The following GPATCH2L variants were observed in gnomAD, a reference collection of about 807,000 sequenced individuals.
GPATCH2L encodes G-patch domain containing 2 like.
Under a neutral mutation model 57.4 loss-of-function variants are expected in GPATCH2L, and 31 were observed. That is an observed-to-expected ratio of 0.54 (90% CI 0.41 to 0.73). The LOEUF (loss-of-function observed/expected upper bound fraction) is 0.73, where lower values mean the gene tolerates loss of function less well. Ranked by LOEUF, GPATCH2L falls within the 30% of genes least tolerant of loss-of-function variation. The pLI is 0.00. For missense variants in GPATCH2L, 481 were observed against 599.9 expected (o/e 0.80, Z 2.07); for synonymous variants, 199 against 210.7 (o/e 0.94, Z 0.48).
At chr14:76,219,594 A>G (rs1367468272) in intron 1 of GPATCH2L, among the ~76,000 whole-genome samples, 2 of 152,202 alleles carry the variant, frequency 1.3e-5, no homozygotes, top group African/African-American at 4.8e-5. Context: ...TGTCAACATA[A>G]AAATGTATAG....
chr14:76,185,540 T>C (rs1440752059), intron 8 of GPATCH2L, among the ~76,000 whole-genome samples: 3 of 152,204 alleles, frequency 2.0e-5, no homozygotes, highest in Non-Finnish European at 4.4e-5. Flanking sequence ...TTGCAGTTTT[T>C]GAGTGCAAAA....
At chr14:76,160,334 G>T (rs907035701) in intron 2 of GPATCH2L, among the ~76,000 whole-genome samples, 1 of 152,146 alleles carries the variant, frequency 6.6e-6, no homozygotes, top group Admixed American at 6.6e-5. Flanking sequence ...CACTTCTAAC[G>T]TGGGCCTCCA....
intron 9 of GPATCH2L, among the ~76,000 whole-genome samples, chr14:76,198,925 T>C (rs2040235500): frequency 6.6e-6 from 1 of 152,210 alleles, no homozygotes; most frequent in Admixed American, 6.5e-5. Context: ...ATTCCTAATA[T>C]ATTGTAACCA....
At chr14:76,168,565 G>A (rs1432260572) in intron 3 of GPATCH2L, among the ~76,000 whole-genome samples, 1 of 152,194 alleles carries the variant, frequency 6.6e-6, no homozygotes, top group Non-Finnish European at 1.5e-5. Context: ...GACCTAGGGT[G>A]GAGGAGCAAT....
intron 6 of GPATCH2L, chr14:76,177,780 CCTT>C: frequency 1.5e-6 from 1 of 645,780 alleles, no homozygotes. Context: ...TTCTCTATTC[CCTT>C]CTTTGTCTTT....
intron 5 of GPATCH2L, 193 bp downstream of exon 5, chr14:76,173,818 A>C: frequency 2.0e-6 from 1 of 510,304 alleles, no homozygotes. Flanking sequence ...ATGAAACGTA[A>C]TTCATATAGA....
rs1022421561 is a variant in GPATCH2L, at chr14:76,204,437, A to G, written c.*2586A>G. The G allele has an allele frequency of 6.6e-6, 1 of 152,200 alleles. No homozygotes were observed. Among genetic ancestry groups the G allele is most frequent in the Non-Finnish European group, 1.5e-5 (1 of 68,036 alleles). 9.4% of individuals were successfully genotyped at this position (152,200 alleles called of 1,614,324 possible). On this transcript the variant is annotated 3_prime_UTR_variant, in exon 10 of 10. Transcript: ENST00000261530. ...TGTGCTCCTCATTTTAAGGTGCTGTACGTGCATGTTTAAGGAATTATTAAT... is the reference window on the plus strand; with the variant it reads ...TGTGCTCCTCATTTTAAGGTGCTGTGCGTGCATGTTTAAGGAATTATTAAT...
At chr14:76,199,172 CT>C (rs2040242607) in intron 9 of GPATCH2L, among the ~76,000 whole-genome samples, 1 of 152,076 alleles carries the variant, frequency 6.6e-6, no homozygotes, top group Admixed American at 6.5e-5. Flanking sequence ...TTAAAATTTT[CT>C]TTTATAAAAG....
At chr14:76,199,677 T>C (rs2040258717) in intron 9 of GPATCH2L, among the ~76,000 whole-genome samples, 2 of 152,032 alleles carry the variant, frequency 1.3e-5, no homozygotes, top group African/African-American at 4.8e-5. Context: ...TTGGTGCAGA[T>C]GTGGAGAAAT....
intron 8 of GPATCH2L, among the ~76,000 whole-genome samples, chr14:76,188,214 T>C (rs563977448): frequency 1.3e-5 from 2 of 152,286 alleles, no homozygotes; most frequent in African/African-American, 4.8e-5. Flanking sequence ...ACTGATTTCC[T>C]TTCTTTTGGG....
At chr14:76,188,127 A>G (rs868191250) in intron 8 of GPATCH2L, among the ~76,000 whole-genome samples, 2 of 152,106 alleles carry the variant, frequency 1.3e-5, no homozygotes, top group Non-Finnish European at 2.9e-5. Flanking sequence ...GTTGATGAAC[A>G]CTTAGGTTGC....
At position 76,203,024 on chromosome 14, in the gene GPATCH2L, A is replaced by G. The variant is rs541041521; in HGVS notation, c.*1173A>G. 6.6e-6 allele frequency: 1 copy of G among 152,254 alleles called. No homozygotes were observed. Among genetic ancestry groups the G allele is most frequent in the South Asian group, 2.1e-4 (1 of 4,812 alleles). The allele number at this position is 152,254 out of a possible 1,614,324, so 9.4% of individuals were successfully genotyped here. A position where few individuals can be genotyped will look rare whatever the true frequency, so the allele number is the denominator to read the frequency against. ...GTGCGTTTACTCTGAAATACATAGA[A>G]GCTCTTGGTGAAGTGCTCCCTGCTC... On this transcript the variant is annotated 3_prime_UTR_variant, in exon 10 of 10. Transcript: ENST00000261530.
chr14:76,171,875 G>C lies in GPATCH2L; in HGVS notation c.760G>C (p.Gly254Arg), dbSNP rs1226716443. The C allele has an allele frequency of 6.2e-7, 1 of 1,604,166 alleles. No homozygotes were observed. The highest frequency in any genetic ancestry group is 8.5e-7 in the Non-Finnish European group (1 of 1,174,728). ...DDEQSDWFYE[G>R]ECVPGFTVPN... ...CGAACAGAGTGATTGGTTCTATGAAGGAGAATGTGTCCCAGGATTCACTGT... is the reference window on the plus strand; with the variant it reads ...CGAACAGAGTGATTGGTTCTATGAACGAGAATGTGTCCCAGGATTCACTGT... The change falls in exon 4 of 10, where the codon GGA (glycine) becomes CGA (arginine). Residue 254 changes from glycine (G) to arginine (R), a missense_variant. This residue lies in a region of GPATCH2L where 25 missense variants were observed against 56.9 expected (regional missense o/e 0.44). Transcript: ENST00000261530.
rs759799888 is a variant in GPATCH2L at position 76,206,389 on chromosome 14, A to T, written c.*4538A>T. ...AAGATGAGAAGTATTGTTGAAGAGT[A>T]TGGACCTACAGGGTTTTTAACAAGT... On this transcript the variant is annotated 3_prime_UTR_variant, in exon 10 of 10. Transcript: ENST00000261530. 3 of 152,262 alleles carry T rather than the reference A, an allele frequency of 2.0e-5. No homozygotes were observed. Among genetic ancestry groups the T allele is most frequent in the Non-Finnish European group, 4.4e-5 (3 of 68,058 alleles). 9.4% of individuals were successfully genotyped at this position (152,262 alleles called of 1,614,324 possible). A position where few individuals can be genotyped will look rare whatever the true frequency, so the allele number is the denominator to read the frequency against.
Position 76,180,830 on chromosome 14 carries a change from C to G in GPATCH2L, c.1174C>G (p.Pro392Ala). ...LADASHRRCS[P>A]AHCSARQANV... ...CGATGCTTCTCACCGAAGGTGTTCA[C>G]CAGCACACTGCTCTGCCAGGTAATT... The change falls in exon 8 of 10, where the codon CCA becomes GCA. Residue 392 changes from proline to alanine, a missense_variant. Physicochemically the swap from Pro to Ala is conservative, Grantham distance 27 (BLOSUM62 -1). Around this residue, in one of 3 missense-constraint regions of GPATCH2L, gnomAD observed 248 missense variants for 270.5 expected, o/e 0.92. Transcript: ENST00000261530. The G allele has an allele frequency of 1.2e-6, 2 of 1,609,056 alleles. No homozygotes were observed. Among genetic ancestry groups the G allele is most frequent in the Non-Finnish European group, 1.7e-6 (2 of 1,175,366 alleles).
chr14:76,158,193 A>C (rs922999960), intron 2 of GPATCH2L, among the ~76,000 whole-genome samples: 3 of 152,092 alleles, frequency 2.0e-5, no homozygotes, highest in African/African-American at 7.2e-5. Flanking sequence ...AGCCTTCCTA[A>C]GGTGATGTAT....
intron 3 of GPATCH2L, among the ~76,000 whole-genome samples, chr14:76,170,443 TAGAA>T (rs1288409598): frequency 6.6e-6 from 1 of 152,216 alleles, no homozygotes; most frequent in African/African-American, 2.4e-5. Context: ...CTATAGCCAG[TAGAA>T]AGAAGTTTGT....
chr14:76,168,261 T>C (rs1473758625), intron 3 of GPATCH2L, among the ~76,000 whole-genome samples: 1 of 152,256 alleles, frequency 6.6e-6, no homozygotes, highest in East Asian at 1.9e-4. Context: ...GGCATATTTA[T>C]GAACTATATC....
At chr14:76,222,502 G>A (rs2139865004) in intron 1 of GPATCH2L, among the ~76,000 whole-genome samples, 1 of 152,174 alleles carries the variant, frequency 6.6e-6, no homozygotes, top group Admixed American at 6.5e-5. Flanking sequence ...AGCTACTCAG[G>A]AGGCTGAGGT....
Sources: allele counts gnomAD v4.1 joint callset (sites outside exome capture counted in the v4.1 genomes callset), GRCh38; gene constraint gnomAD v4.1.1; regional missense constraint gnomAD v4.1.1; transcripts MANE v1.5; gene names NCBI Gene and HGNC (gene_info 2026-07-23, HGNC 2026-07-21).